The following GABRB1 variants were observed in gnomAD, a reference collection of about 807,000 sequenced individuals.
GABRB1 encodes the protein gamma-aminobutyric acid type A receptor subunit beta1.
Under a neutral mutation model 51.6 loss-of-function variants are expected in GABRB1, and 17 were observed. The observed-to-expected ratio is 0.33, with a 90% CI of 0.23 to 0.49. The LOEUF is 0.49. Ranked by LOEUF, GABRB1 falls within the 20% of genes least tolerant of loss-of-function variation. The pLI is 0.99. For synonymous variants in GABRB1, 247 were observed against 218.9 expected (o/e 1.13, Z -1.14); for missense variants, 410 against 600.6 (o/e 0.68, Z 3.32).
At chr4:46,998,295 A>T (rs1724065680) in intron 1 of GABRB1, among the ~76,000 whole-genome samples, 1 of 152,166 alleles carries the variant, frequency 6.6e-6, no homozygotes, top group South Asian at 2.1e-4. Flanking sequence ...ATTTTTTTAT[A>T]ATTTTCTGAG....
At chr4:47,146,963 A>T (rs2109705657) in intron 3 of GABRB1, among the ~76,000 whole-genome samples, 1 of 152,226 alleles carries the variant, frequency 6.6e-6, no homozygotes, top group Non-Finnish European at 1.5e-5. Flanking sequence ...TGGTTGAATG[A>T]TAAATTATTT....
At chr4:47,055,140 C>T (rs1357127493) in intron 3 of GABRB1, among the ~76,000 whole-genome samples, 1 of 152,140 alleles carries the variant, frequency 6.6e-6, no homozygotes, top group Non-Finnish European at 1.5e-5. Context: ...ACCAACATTC[C>T]TATCAACCAG....
intron 3 of GABRB1, among the ~76,000 whole-genome samples, chr4:47,160,684 A>G (rs1393128799): frequency 6.6e-6 from 1 of 152,026 alleles, no homozygotes; most frequent in East Asian, 1.9e-4. Flanking sequence ...TTAAAATTCA[A>G]TTACATCTAT....
intron 3 of GABRB1, among the ~76,000 whole-genome samples, chr4:47,132,659 A>G (rs1343319456): frequency 6.6e-6 from 1 of 152,244 alleles, no homozygotes; most frequent in African/African-American, 2.4e-5. Flanking sequence ...TACTCAACAA[A>G]TACTGGAAAC....
At chr4:47,367,628 C>T (rs1450718083) in intron 5 of GABRB1, among the ~76,000 whole-genome samples, 4 of 152,186 alleles carry the variant, frequency 2.6e-5, no homozygotes, top group South Asian at 2.1e-4. Flanking sequence ...TTTGCTGTCC[C>T]GTGTGGCAGC....
chr4:47,183,724 T>C (rs1250547189), intron 4 of GABRB1, among the ~76,000 whole-genome samples: 1 of 151,838 alleles, frequency 6.6e-6, no homozygotes, highest in East Asian at 1.9e-4. Context: ...TTGCCTTACA[T>C]CCACATGAAC....
intron 3 of GABRB1, among the ~76,000 whole-genome samples, chr4:47,147,428 A>G (rs1340920260): frequency 1.3e-5 from 2 of 152,036 alleles, no homozygotes; most frequent in Non-Finnish European, 2.9e-5. Flanking sequence ...CCTGACTCCA[A>G]TCCATTTATT....
intron 4 of GABRB1, among the ~76,000 whole-genome samples, chr4:47,239,678 C>T (rs1333514908): frequency 6.6e-6 from 1 of 152,182 alleles, no homozygotes; most frequent in South Asian, 2.1e-4. Flanking sequence ...TTAGATTAAA[C>T]AAAAGTAAAC....
chr4:47,024,409 T>G (rs974686855), intron 1 of GABRB1, among the ~76,000 whole-genome samples: 8 of 151,950 alleles, frequency 5.3e-5, no homozygotes, highest in Non-Finnish European at 1.0e-4. Flanking sequence ...ACATTTCTAA[T>G]GACAGGAAGG....
chr4:47,424,249 A>G (rs1026977703), intron 8 of GABRB1, among the ~76,000 whole-genome samples: 2 of 152,224 alleles, frequency 1.3e-5, no homozygotes, highest in Non-Finnish European at 2.9e-5. Flanking sequence ...TGAATCAGAT[A>G]CACATGGGTT....
At chr4:47,403,256 C>A in intron 5 of GABRB1, 62 bp from the exon 6 acceptor site, 3 of 1,584,468 alleles carry the variant, frequency 1.9e-6, no homozygotes, top group Non-Finnish European at 2.6e-6. Flanking sequence ...CTCTAGCTCC[C>A]AGATGGTATT....
In GABRB1 at chr4:47,258,287, G is replaced by T. The variant is rs571308393; in HGVS notation, c.462-61840G>T. Among the ~76,000 whole-genome samples, 8 of 152,080 alleles carry T rather than the reference G, an allele frequency of 5.3e-5. No homozygotes were observed. In the South Asian group the frequency reaches 1.2e-3, roughly 24 times the overall value. On this transcript the variant is annotated intron_variant, in intron 4 of 8. Coordinates refer to ENST00000295454, the MANE Select transcript of GABRB1 (RefSeq NM_000812.4). ...AATTTTTAATCAGAGTTCAGAAAAG[G>T]GTACTATCATAGCCAAGATAATGGT...
intron 4 of GABRB1, among the ~76,000 whole-genome samples, chr4:47,176,555 A>G (rs925992224): frequency 2.6e-5 from 4 of 152,058 alleles, no homozygotes; most frequent in Non-Finnish European, 5.9e-5. Flanking sequence ...GTGTAAGTGG[A>G]GAGGTTGATT....
chr4:47,408,553 T>C (rs1325047668), intron 8 of GABRB1, among the ~76,000 whole-genome samples: 1 of 152,200 alleles, frequency 6.6e-6, no homozygotes, highest in Non-Finnish European at 1.5e-5. Flanking sequence ...TGTGAGGCAC[T>C]ATGTTCAGCG....
chr4:47,335,220 G>A (rs983684573), intron 5 of GABRB1, among the ~76,000 whole-genome samples: 3 of 151,990 alleles, frequency 2.0e-5, no homozygotes, highest in Admixed American at 6.6e-5. Context: ...CTGCAGTAAC[G>A]ATAGGTTCTC....
intron 3 of GABRB1, among the ~76,000 whole-genome samples, chr4:47,075,319 T>C (rs1244420079): frequency 2.0e-5 from 3 of 152,176 alleles, no homozygotes; most frequent in Non-Finnish European, 4.4e-5. Flanking sequence ...ATATTATATA[T>C]ACAAATCAGG....
intron 1 of GABRB1, among the ~76,000 whole-genome samples, chr4:47,013,853 T>G (rs1425683893): frequency 3.3e-5 from 5 of 152,206 alleles, no homozygotes; most frequent in Non-Finnish European, 7.4e-5. Flanking sequence ...ATTACTTTTA[T>G]GTGGAGTTGC....
At chr4:47,087,517 C>T (rs1728126323) in intron 3 of GABRB1, among the ~76,000 whole-genome samples, 1 of 151,428 alleles carries the variant, frequency 6.6e-6, no homozygotes, top group African/African-American at 2.4e-5. Flanking sequence ...AACTCTGAGG[C>T]GCTGCATCCC....
chr4:47,128,551 T>C (rs1162230256), intron 3 of GABRB1, among the ~76,000 whole-genome samples: 1 of 152,022 alleles, frequency 6.6e-6, no homozygotes, highest in African/African-American at 2.4e-5. Flanking sequence ...AGACTCTATA[T>C]GTATAATTCC....
Sources: gnomAD v4.1 joint callset for allele counts (sites outside exome capture counted in the v4.1 genomes callset) on GRCh38, gnomAD v4.1.1 for gene constraint, MANE v1.5 for transcripts, NCBI Gene and HGNC (gene_info 2026-07-23, HGNC 2026-07-21) for gene names.